The following RAB38 variants were observed in gnomAD, a reference collection of about 807,000 sequenced individuals.
RAB38 encodes the protein ras-related protein Rab-38.
Under a neutral mutation model 18.4 loss-of-function variants are expected in RAB38, and 15 were observed. The ratio of observed to expected loss-of-function variants is 0.82; its 90% CI spans 0.55 to 1.26. The LOEUF is 1.26. RAB38 is among the 50% of genes most tolerant of loss of function. RAB38 has a pLI of 0.00. For synonymous variants in RAB38, 101 were observed against 104.4 expected (o/e 0.97, Z 0.20); for missense variants, 294 against 267.4 (o/e 1.10, Z -0.69).
At chr11:87,840,609 A>G in the RAB38 span, among the ~76,000 whole-genome samples, 9 of 152,300 alleles carry the variant, frequency 5.9e-5, no homozygotes, top group Non-Finnish European at 1.2e-4. Context: ...ACTTTAACCC[A>G]GTGATATAAG....
chr11:87,900,839 A>G, the RAB38 span, among the ~76,000 whole-genome samples: 1 of 151,452 alleles, frequency 6.6e-6, no homozygotes, highest in Non-Finnish European at 1.5e-5. Flanking sequence ...AAGGAAGGAA[A>G]GGAAGGAAGC....
chr11:87,821,980 A>G, the RAB38 span, among the ~76,000 whole-genome samples: 1 of 152,126 alleles, frequency 6.6e-6, no homozygotes, highest in Non-Finnish European at 1.5e-5. Flanking sequence ...TGTATTTCTT[A>G]GCAGGTGAAA....
the RAB38 span, among the ~76,000 whole-genome samples, chr11:87,949,869 G>T: frequency 6.6e-6 from 1 of 152,314 alleles, no homozygotes; most frequent in Admixed American, 6.5e-5. Context: ...ATATTCTGTT[G>T]ATTTGGGGTG....
the RAB38 span, among the ~76,000 whole-genome samples, chr11:87,843,980 A>G: frequency 0.029 from 4,477 of 152,278 alleles, 141 homozygotes; most frequent in African/African-American, 0.077. Context: ...CAATTCATGT[A>G]GACTTTTGAT....
chr11:88,110,360 T>C (rs1368823510), downstream of RAB38, among the ~76,000 whole-genome samples: 1 of 150,890 alleles, frequency 6.6e-6, no homozygotes, highest in African/African-American at 2.4e-5. Flanking sequence ...CATCACACAT[T>C]GGGGCCTGTC....
At chr11:88,028,670 G>A in the RAB38 span, among the ~76,000 whole-genome samples, 1 of 152,072 alleles carries the variant, frequency 6.6e-6, no homozygotes, top group Non-Finnish European at 1.5e-5. Flanking sequence ...GAGAGGAGAA[G>A]TTTAGAGAAA....
the RAB38 span, among the ~76,000 whole-genome samples, chr11:88,004,913 G>T: frequency 6.6e-6 from 1 of 151,138 alleles, no homozygotes; most frequent in Non-Finnish European, 1.5e-5. Flanking sequence ...TAAACCTACA[G>T]GGTTAGATTG....
the RAB38 span, among the ~76,000 whole-genome samples, chr11:87,854,839 G>C: frequency 6.6e-6 from 1 of 152,240 alleles, no homozygotes; most frequent in Middle Eastern, 3.4e-3. Flanking sequence ...CTGTGGCCCA[G>C]GCTGGAGTGC....
At chr11:88,109,095 C>A (rs1378695711), downstream of RAB38, among the ~76,000 whole-genome samples, 1 of 151,998 alleles carries the variant, frequency 6.6e-6, no homozygotes. Flanking sequence ...CAACCTTGGT[C>A]AATCTGATGA....
the RAB38 span, among the ~76,000 whole-genome samples, chr11:87,939,717 A>C: frequency 6.6e-6 from 1 of 151,888 alleles, no homozygotes. Flanking sequence ...GAAAAAGAAA[A>C]GAAAAAAAGA....
chr11:87,935,295 A>G, the RAB38 span, among the ~76,000 whole-genome samples: 2 of 151,970 alleles, frequency 1.3e-5, no homozygotes, highest in African/African-American at 4.8e-5. Flanking sequence ...ACTTCCACAC[A>G]TCTTCCCCCT....
chr11:88,055,954 T>C, the RAB38 span, among the ~76,000 whole-genome samples: 1 of 152,170 alleles, frequency 6.6e-6, no homozygotes. Flanking sequence ...TGTTTTGCTT[T>C]GCTTTTGAGG....
chr11:88,119,909 A>G, intron 2 of RAB38, among the ~76,000 whole-genome samples: 1 of 152,202 alleles, frequency 6.6e-6, no homozygotes, highest in East Asian at 1.9e-4. Flanking sequence ...CAGGGGTTTA[A>G]AAATCCTTTC....
At chr11:87,913,533 G>T in the RAB38 span, among the ~76,000 whole-genome samples, 1 of 152,042 alleles carries the variant, frequency 6.6e-6, no homozygotes, top group African/African-American at 2.4e-5. Flanking sequence ...TTCTTTGATA[G>T]CCTGGCGCTG....
At chr11:87,805,854 C>G in the RAB38 span, among the ~76,000 whole-genome samples, 1 of 152,018 alleles carries the variant, frequency 6.6e-6, no homozygotes, top group Non-Finnish European at 1.5e-5. Flanking sequence ...CAAAAGGCAG[C>G]CTAGAGGTAG....
chr11:88,031,223 G>T, the RAB38 span, among the ~76,000 whole-genome samples: 1 of 152,094 alleles, frequency 6.6e-6, no homozygotes, highest in South Asian at 2.1e-4. Context: ...TTGATGGGAC[G>T]TATCTCAAAA....
At chr11:87,891,633 ATTC>A in the RAB38 span, among the ~76,000 whole-genome samples, 1 of 151,832 alleles carries the variant, frequency 6.6e-6, no homozygotes, top group African/African-American at 2.4e-5. Context: ...TGGCTACAAA[ATTC>A]TTCTCATCCC....
Position 88,114,156 on chromosome 11 carries a change from T to C in RAB38, c.484-16A>G. Reference sequence around the variant, plus strand: ...TTATATTTTCCTATGAGGGAAAAAATAAAACAGCTTTTCTTATTCAATACT... The same window carrying C: ...TTATATTTTCCTATGAGGGAAAAAACAAAACAGCTTTTCTTATTCAATACT... On this transcript the variant is annotated splice_polypyrimidine_tract_variant and intron_variant, in intron 2 of 2. Transcript: ENST00000243662. The C allele has an allele frequency of 1.2e-6, 2 of 1,613,356 alleles. No individual in the cohort carries two copies. Among genetic ancestry groups the C allele is most frequent in the South Asian group, 1.1e-5 (1 of 91,064 alleles).
the RAB38 span, among the ~76,000 whole-genome samples, chr11:87,877,149 T>G: frequency 1.3e-5 from 2 of 151,686 alleles, no homozygotes; most frequent in African/African-American, 4.8e-5. Context: ...CCATACGTGC[T>G]GAGGACCTCC....
Sources: allele counts gnomAD v4.1 joint callset (sites outside exome capture counted in the v4.1 genomes callset), GRCh38; gene constraint gnomAD v4.1.1; transcripts MANE v1.5; gene names NCBI Gene and HGNC (gene_info 2026-07-23, HGNC 2026-07-21).